The following THSD7B variants were observed in gnomAD, a reference collection of about 807,000 sequenced individuals.
THSD7B encodes thrombospondin type 1 domain containing 7B.
Under a neutral mutation model 213.6 loss-of-function variants are expected in THSD7B, and 138 were observed. The observed-to-expected ratio is 0.65, with a 90% CI of 0.56 to 0.74. The LOEUF is 0.74. Ranked by LOEUF, THSD7B falls within the 30% of genes least tolerant of loss-of-function variation. The pLI is 0.00. For missense variants in THSD7B, 1,931 were observed against 1,991.5 expected (o/e 0.97, Z 0.58); for synonymous variants, 742 against 687.0 (o/e 1.08, Z -1.25).
intron 5 of THSD7B, among the ~76,000 whole-genome samples, chr2:137,137,659 T>C (rs1252456836): frequency 6.6e-6 from 1 of 152,130 alleles, no homozygotes; most frequent in African/African-American, 2.4e-5. Flanking sequence ...GTAACACTTA[T>C]ATGATGTTTG....
At chr2:137,205,430 A>G (rs992843529) in intron 7 of THSD7B, among the ~76,000 whole-genome samples, 1 of 152,040 alleles carries the variant, frequency 6.6e-6, no homozygotes, top group Non-Finnish European at 1.5e-5. Flanking sequence ...AAATAAAGAC[A>G]CACCATTTGC....
intron 1 of THSD7B, among the ~76,000 whole-genome samples, chr2:136,798,290 G>A (rs1160497222): frequency 6.6e-6 from 1 of 151,864 alleles, no homozygotes; most frequent in Non-Finnish European, 1.5e-5. Context: ...TTTAATGATA[G>A]ACTAGGGTTG....
At chr2:137,159,298 T>G (rs1198791549) in intron 5 of THSD7B, among the ~76,000 whole-genome samples, 1 of 151,946 alleles carries the variant, frequency 6.6e-6, no homozygotes, top group African/African-American at 2.4e-5. Flanking sequence ...TAGCCGATCA[T>G]GGTGACATTG....
At chr2:136,842,495 AG>A (rs759582561) in intron 1 of THSD7B, among the ~76,000 whole-genome samples, 19 of 152,214 alleles carry the variant, frequency 1.2e-4, no homozygotes, top group Admixed American at 2.6e-4. Flanking sequence ...TAATTAGAAA[AG>A]TTATTCAGTG....
chr2:136,835,492 G>C lies in THSD7B; in HGVS notation c.-35-46652G>C, dbSNP rs59515538. ...GAATGTGAATTCATTATATTTTTTA[G>C]TTGTGAGGAGGCTCTGATTGTAACA... On this transcript the variant is annotated intron_variant, in intron 1 of 27. Coordinates refer to ENST00000409968, the MANE Select transcript of THSD7B (RefSeq NM_001316349.2). Among the ~76,000 whole-genome samples, 249 of 152,250 alleles carry C rather than the reference G, an allele frequency of 1.6e-3. 4 individuals carry two copies. The East Asian group carries it at 0.017, about 10-fold the overall frequency.
intron 12 of THSD7B, among the ~76,000 whole-genome samples, chr2:137,356,040 G>T (rs1573979766): frequency 6.6e-6 from 1 of 152,274 alleles, no homozygotes; most frequent in Middle Eastern, 3.4e-3. Flanking sequence ...GACACAGGGA[G>T]CTGCTGTTGA....
chr2:137,238,564 T>A (rs58794825), intron 9 of THSD7B, among the ~76,000 whole-genome samples: 1 of 83,420 alleles, frequency 1.2e-5, no homozygotes, highest in Non-Finnish European at 2.6e-5. Flanking sequence ...TTTTTTTTTT[T>A]GAGACGGAGT....
intron 12 of THSD7B, among the ~76,000 whole-genome samples, chr2:137,318,596 T>C (rs1464623303): frequency 2.6e-5 from 4 of 151,974 alleles, no homozygotes; most frequent in African/African-American, 9.7e-5. Flanking sequence ...AACAATAATA[T>C]TGGAAAACCA....
At chr2:137,396,411 T>C (rs529370776) in intron 12 of THSD7B, among the ~76,000 whole-genome samples, 5,429 of 147,166 alleles carry the variant, frequency 0.037, 138 homozygotes, top group Non-Finnish European at 0.052. Flanking sequence ...CTGCCTTCAT[T>C]TCGTTATGTA....
At chr2:137,069,658 C>T (rs1687443423) in intron 3 of THSD7B, among the ~76,000 whole-genome samples, 1 of 151,940 alleles carries the variant, frequency 6.6e-6, no homozygotes, top group Non-Finnish European at 1.5e-5. Flanking sequence ...ATCTCTAAAG[C>T]TCACTCCTCA....
At chr2:136,958,539 T>C (rs1685164037) in intron 2 of THSD7B, among the ~76,000 whole-genome samples, 1 of 152,154 alleles carries the variant, frequency 6.6e-6, no homozygotes, top group Admixed American at 6.5e-5. Flanking sequence ...GGCATTTCAC[T>C]TAAGGGATAT....
At chr2:137,075,472 T>C (rs1412781662) in intron 3 of THSD7B, among the ~76,000 whole-genome samples, 2 of 152,214 alleles carry the variant, frequency 1.3e-5, no homozygotes, top group Non-Finnish European at 2.9e-5. Context: ...TTGGTTATTC[T>C]AGTTATCCAT....
chr2:137,494,501 C>G (rs1278417091), intron 15 of THSD7B, among the ~76,000 whole-genome samples: 1 of 152,086 alleles, frequency 6.6e-6, no homozygotes, highest in Non-Finnish European at 1.5e-5. Flanking sequence ...AGCCTGTGAT[C>G]ATGTGACACA....
intron 12 of THSD7B, among the ~76,000 whole-genome samples, chr2:137,359,001 C>A (rs1685196585): frequency 1.3e-5 from 2 of 152,184 alleles, no homozygotes; most frequent in Non-Finnish European, 2.9e-5. Context: ...TATTCCTCAA[C>A]TGAAAATAAA....
At chr2:136,892,047 C>T (rs2105002687) in intron 2 of THSD7B, among the ~76,000 whole-genome samples, 1 of 152,216 alleles carries the variant, frequency 6.6e-6, no homozygotes, top group Middle Eastern at 3.4e-3. Flanking sequence ...CCCTTTCTCT[C>T]TGTGTGGTCT....
chr2:137,236,408 A>G (rs528865045), intron 9 of THSD7B, among the ~76,000 whole-genome samples: 1 of 152,222 alleles, frequency 6.6e-6, no homozygotes, highest in Non-Finnish European at 1.5e-5. Context: ...AACTGATCAT[A>G]TCAGAAAATG....
At chr2:136,825,510 G>A (rs1682631104) in intron 1 of THSD7B, among the ~76,000 whole-genome samples, 1 of 151,912 alleles carries the variant, frequency 6.6e-6, no homozygotes, top group African/African-American at 2.4e-5. Context: ...TATACTTCCA[G>A]TTTTTCTTCT....
chr2:137,201,909 G>T (rs967102508), intron 7 of THSD7B, among the ~76,000 whole-genome samples: 1 of 152,104 alleles, frequency 6.6e-6, no homozygotes, highest in Non-Finnish European at 1.5e-5. Flanking sequence ...AGCCGTTTGT[G>T]TTTCTCCTCT....
At chr2:137,279,247 A>G (rs1307929123) in intron 12 of THSD7B, among the ~76,000 whole-genome samples, 1 of 152,136 alleles carries the variant, frequency 6.6e-6, no homozygotes, top group African/African-American at 2.4e-5. Flanking sequence ...ATTTTTTAAC[A>G]TAAACTGGCC....
Sources: allele counts gnomAD v4.1 joint callset (sites outside exome capture counted in the v4.1 genomes callset), GRCh38; gene constraint gnomAD v4.1.1; transcripts MANE v1.5; gene names NCBI Gene and HGNC (gene_info 2026-07-23, HGNC 2026-07-21).